DHX35: variants seen among roughly 807,000 people sequenced by gnomAD.
DHX35 encodes the protein DEAH-box helicase 35, also known as probable ATP-dependent RNA helicase DHX35.
A neutral mutation model predicts 99.6 loss-of-function variants in DHX35; 84 were observed. The ratio of observed to expected loss-of-function variants is 0.84; its 90% CI spans 0.71 to 1.01. DHX35 has a LOEUF of 1.01. DHX35 is among the 50% of genes least tolerant of loss of function. DHX35 has a pLI of 0.00. For synonymous variants in DHX35, 331 were observed against 316.2 expected (o/e 1.05, Z -0.50); for missense variants, 852 against 888.5 (o/e 0.96, Z 0.52).
chr20:38,981,280 T>C (rs2086168031), intron 3 of DHX35, among the ~76,000 whole-genome samples: 1 of 152,204 alleles, frequency 6.6e-6, no homozygotes, highest in African/African-American at 2.4e-5. Flanking sequence ...GTGGATCTTG[T>C]CTGTAGCAGT....
At chr20:38,995,598 A>G (rs544452039) in intron 8 of DHX35, among the ~76,000 whole-genome samples, 1 of 152,200 alleles carries the variant, frequency 6.6e-6, no homozygotes, top group African/African-American at 2.4e-5. Flanking sequence ...GGTTTACATT[A>G]TTTTTCTCTC....
chr20:39,021,931 A>G lies in DHX35; in HGVS notation c.1589A>G (p.His530Arg), dbSNP rs766776692. The G allele has an allele frequency of 1.2e-6, 2 of 1,614,158 alleles. No homozygotes were observed. Among genetic ancestry groups the G allele is most frequent in the South Asian group, 2.2e-5 (2 of 91,090 alleles). The change falls in exon 16 of 22, where the codon CAC becomes CGC. Residue 530 changes from histidine to arginine, a missense_variant. By Grantham distance (29) the His-to-Arg change is conservative (BLOSUM62 0). Coordinates refer to ENST00000252011, the MANE Select transcript of DHX35 (RefSeq NM_021931.4). ...IFVVPPNQKS[H>R]AIRVHRKFAV... is the part of the protein sequence containing the mutation. ...GTGGTCCCCCCAAACCAGAAGTCTC[A>G]CGCAGTAAGTCAGCTCTGTCCCCAG... is the stretch of plus-strand genomic sequence containing the variant.
chr20:38,962,504 C>T, intron 1 of DHX35, 97 bp downstream of exon 1: 2 of 1,461,544 alleles, frequency 1.4e-6, no homozygotes, highest in Non-Finnish European at 1.9e-6. Context: ...TGCTCGCAGG[C>T]CTGACCTCGG....
At chr20:39,013,015 A>G (rs895648115) in intron 13 of DHX35, among the ~76,000 whole-genome samples, 1 of 152,228 alleles carries the variant, frequency 6.6e-6, no homozygotes, top group African/African-American at 2.4e-5. Flanking sequence ...TCCTGAAAAA[A>G]TAATTCAGAA....
chr20:38,964,237 GA>G (rs2085877384), intron 1 of DHX35, among the ~76,000 whole-genome samples: 1 of 152,188 alleles, frequency 6.6e-6, no homozygotes, highest in South Asian at 2.1e-4. Flanking sequence ...GGTGCAGCAT[GA>G]ACAAAGGCAG....
Position 39,006,127 on chromosome 20 carries a change from C to T in DHX35, c.1012-19C>T, listed in dbSNP as rs761649884. ...AAAGAATAAAATGAGTTTTATTCTT[C>T]TTTCTGTGGGGAACGTAGGTGATAG... On this transcript the variant is annotated intron_variant, in intron 11 of 21. Coordinates refer to ENST00000252011, the MANE Select transcript of DHX35 (RefSeq NM_021931.4). 1.2e-5 allele frequency: 19 copies of T among 1,601,832 alleles called. No individual in the cohort carries two copies. In the South Asian group the frequency reaches 1.9e-4, roughly 16 times the overall value.
At chr20:39,015,865 C>T (rs1221193077) in intron 14 of DHX35, among the ~76,000 whole-genome samples, 1 of 152,198 alleles carries the variant, frequency 6.6e-6, no homozygotes, top group Non-Finnish European at 1.5e-5. Context: ...CCCTAGTCCC[C>T]CAGCCCAAGG....
At chr20:38,977,990 G>T in intron 3 of DHX35, 1 of 689,776 alleles carries the variant, frequency 1.4e-6, no homozygotes. Context: ...CCACCTCCAG[G>T]GGCAGATCAC....
At chr20:39,000,401 G>A (rs1403253854) in intron 8 of DHX35, among the ~76,000 whole-genome samples, 1 of 152,166 alleles carries the variant, frequency 6.6e-6, no homozygotes, top group Admixed American at 6.5e-5. Flanking sequence ...GTCACTTCTA[G>A]TGTACCTGTG....
chr20:38,997,709 T>C (rs938194485), intron 8 of DHX35, among the ~76,000 whole-genome samples: 2 of 152,014 alleles, frequency 1.3e-5, no homozygotes, highest in African/African-American at 4.8e-5. Context: ...TCTGTGTGGG[T>C]TGTGGGTCCG....
intron 17 of DHX35, among the ~76,000 whole-genome samples, chr20:39,024,691 T>C (rs2086924835): frequency 6.6e-6 from 1 of 152,220 alleles, no homozygotes; most frequent in Non-Finnish European, 1.5e-5. Flanking sequence ...TAACTTACAA[T>C]AGAATTTCAG....
At chr20:38,968,852 C>G (rs1034557254) in intron 1 of DHX35, among the ~76,000 whole-genome samples, 2 of 152,186 alleles carry the variant, frequency 1.3e-5, no homozygotes, top group African/African-American at 4.8e-5. Context: ...GCACCTAACC[C>G]TGTCTTGTTT....
At chr20:38,982,335 G>A (rs2145856921) in intron 3 of DHX35, among the ~76,000 whole-genome samples, 1 of 152,264 alleles carries the variant, frequency 6.6e-6, no homozygotes, top group Middle Eastern at 3.4e-3. Context: ...AGTTCTTTCT[G>A]TCTTTAGCCT....
chr20:39,028,320 G>T (rs1430829709), intron 18 of DHX35, 98 bp from the exon 19 acceptor site: 7 of 1,214,528 alleles, frequency 5.8e-6, no homozygotes, highest in Non-Finnish European at 8.5e-6. Context: ...TCTTGAAGCA[G>T]CCTGGGGTGG....
chr20:38,986,662 C>A (rs1227845189), intron 4 of DHX35, among the ~76,000 whole-genome samples: 1 of 152,134 alleles, frequency 6.6e-6, no homozygotes, highest in African/African-American at 2.4e-5. Flanking sequence ...AATATAACGA[C>A]ATGTAGGGTT....
At chr20:39,018,493 C>G (rs1345935461) in intron 14 of DHX35, among the ~76,000 whole-genome samples, 1 of 151,674 alleles carries the variant, frequency 6.6e-6, no homozygotes, top group African/African-American at 2.4e-5. Flanking sequence ...AGGTGAGGCT[C>G]TTGTGGATTG....
At chr20:38,968,365 A>G (rs2085940838) in intron 1 of DHX35, among the ~76,000 whole-genome samples, 1 of 152,114 alleles carries the variant, frequency 6.6e-6, no homozygotes, top group Admixed American at 6.5e-5. Context: ...TCTGAGCCTT[A>G]TTGCCATCCT....
At position 39,001,736 on chromosome 20, in the gene DHX35, C is replaced by T. The variant is rs539104890; in HGVS notation, c.649C>T (p.Arg217Trp). 2.9e-5 allele frequency: 46 copies of T among 1,603,226 alleles called. No homozygotes were observed. The Middle Eastern group carries it at 5.0e-4, about 17-fold the overall frequency. ...TTAATTTTTTTCTTTTTAGAAATTC[C>T]GGGATTTCTTTAATCAAAATGAAAC... ...ASATLDADKF[R>W]DFFNQNETSD... is the part of the protein sequence containing the mutation. The change falls in exon 9 of 22, where the codon CGG becomes TGG. Residue 217 changes from arginine to tryptophan, a missense_variant. Transcript: ENST00000252011.
intron 9 of DHX35, 53 bp from the exon 10 acceptor site, chr20:39,002,719 C>G (rs936134007): frequency 6.6e-7 from 1 of 1,511,636 alleles, no homozygotes; most frequent in African/African-American, 1.4e-5. Context: ...GGTAATTGAT[C>G]TGTAATTAAT....
Sources: gnomAD v4.1 joint callset for allele counts (sites outside exome capture counted in the v4.1 genomes callset) on GRCh38, gnomAD v4.1.1 for gene constraint, MANE v1.5 for transcripts, NCBI Gene and HGNC (gene_info 2026-07-23, HGNC 2026-07-21) for gene names.